The following IGF1R variants were observed in gnomAD, a reference collection of about 807,000 sequenced individuals.
IGF1R encodes the protein insulin like growth factor 1 receptor, also known as insulin-like growth factor 1 receptor.
A neutral mutation model predicts 144.6 loss-of-function variants in IGF1R; 44 were observed. The ratio of observed to expected loss-of-function variants is 0.30; its 90% CI spans 0.24 to 0.39. The LOEUF (loss-of-function observed/expected upper bound fraction) is 0.39, where lower values mean the gene tolerates loss of function less well. IGF1R is among the 10% of genes least tolerant of loss of function. The probability of loss-of-function intolerance (pLI) is 1.00; values close to 1 mark genes in which losing one functional copy is unlikely to be tolerated. For synonymous variants in IGF1R, 795 were observed against 722.8 expected (o/e 1.10, Z -1.60); for missense variants, 1,355 against 1,833.7 (o/e 0.74, Z 4.77).
At chr15:98,922,500 G>A in intron 11 of IGF1R, 69 bp downstream of exon 11, 1 of 1,562,464 alleles carries the variant, frequency 6.4e-7, no homozygotes, top group Non-Finnish European at 8.7e-7. Context: ...GTGTTTTATG[G>A]ACACAGGGTC....
chr15:98,671,553 GC>G (rs2052892885), intron 1 of IGF1R, among the ~76,000 whole-genome samples: 1 of 152,186 alleles, frequency 6.6e-6, no homozygotes. Flanking sequence ...ATTTATCCTG[GC>G]CCTTCTCTTT....
At chr15:98,940,908 G>A (rs1217936122) in intron 18 of IGF1R, among the ~76,000 whole-genome samples, 1 of 152,214 alleles carries the variant, frequency 6.6e-6, no homozygotes, top group Non-Finnish European at 1.5e-5. Context: ...CCTCAGAGAG[G>A]CAAAGAAGTC....
intron 2 of IGF1R, among the ~76,000 whole-genome samples, chr15:98,768,051 G>T (rs997763224): frequency 2.6e-5 from 4 of 152,166 alleles, no homozygotes; most frequent in Admixed American, 2.6e-4. Context: ...TCCATAGGAA[G>T]ACAGACAGAC....
chr15:98,955,219 C>T (rs536135700), intron 20 of IGF1R, among the ~76,000 whole-genome samples: 1 of 152,210 alleles, frequency 6.6e-6, no homozygotes, highest in Non-Finnish European at 1.5e-5. Context: ...ACATGGCATT[C>T]TACCGTGGGG....
At chr15:98,674,710 T>C (rs1312094611) in intron 1 of IGF1R, among the ~76,000 whole-genome samples, 2 of 152,212 alleles carry the variant, frequency 1.3e-5, no homozygotes, top group African/African-American at 4.8e-5. Context: ...AAAATAAGTT[T>C]TCTGTCTCTC....
chr15:98,935,227 C>T lies in IGF1R; in HGVS notation c.3187-89C>T, dbSNP rs933214456. The T allele has an allele frequency of 3.4e-5, 34 of 1,014,386 alleles. No individual in the cohort carries two copies. The highest frequency in any genetic ancestry group is 6.4e-5 in the African/African-American group (4 of 62,752). 62.8% of individuals were successfully genotyped at this position (1,014,386 alleles called of 1,614,324 possible). A position where few individuals can be genotyped will look rare whatever the true frequency, so the allele number is the denominator to read the frequency against. On this transcript the variant is annotated intron_variant, in intron 16 of 20. Transcript: ENST00000650285. The surrounding 1 kb of genome is among the most constrained non-coding windows in gnomAD (Gnocchi z 4.2). ...TCAGACCCCTGTGCTCAGACCAGGC[C>T]GCAGCACCACAGAGACAGTTCCAGA...
chr15:98,840,722 T>C lies in IGF1R; in HGVS notation c.641-50603T>C, dbSNP rs190136090. ...GTGGAGTCTTGCTCTGTCACCGAGGTTGGAGTGCAGTGGTGCAATCTCAGC... is the reference window on the plus strand; with the variant it reads ...GTGGAGTCTTGCTCTGTCACCGAGGCTGGAGTGCAGTGGTGCAATCTCAGC... On this transcript the variant is annotated intron_variant, in intron 2 of 20. Coordinates refer to ENST00000650285, the MANE Select transcript of IGF1R (RefSeq NM_000875.5). Among the ~76,000 whole-genome samples, 474 of 150,290 alleles carry C rather than the reference T, an allele frequency of 3.2e-3. 3 individuals are homozygous for C. The highest frequency in any genetic ancestry group is 3.6e-3 in the Non-Finnish European group (245 of 67,632).
chr15:98,902,197 G>A (rs2014514305), intron 5 of IGF1R, among the ~76,000 whole-genome samples: 1 of 152,016 alleles, frequency 6.6e-6, no homozygotes. Flanking sequence ...GAGCGTTTGG[G>A]GTTAGGATCC....
intron 2 of IGF1R, among the ~76,000 whole-genome samples, chr15:98,798,733 A>T (rs144446206): frequency 6.6e-6 from 1 of 151,712 alleles, no homozygotes; most frequent in Non-Finnish European, 1.5e-5. Flanking sequence ...AGAGAGGGCT[A>T]TTAGATCACA....
At chr15:98,892,205 C>T (rs2013958749) in intron 3 of IGF1R, among the ~76,000 whole-genome samples, 1 of 152,140 alleles carries the variant, frequency 6.6e-6, no homozygotes, top group Non-Finnish European at 1.5e-5. Context: ...CCTCAGTGCT[C>T]ATCATGTCCT....
Position 98,958,745 on chromosome 15 carries a change from T to C in IGF1R, c.*1303T>C. ...TTTTTTGTTCTTGATCTTTGTGGAT[T>C]TAATCTATGAAAACCTTCAGGTCCA... On this transcript the variant is annotated 3_prime_UTR_variant, in exon 21 of 21. Transcript: ENST00000650285. 4.3e-6 allele frequency: 1 copy of C among 232,744 alleles called. No individual in the cohort carries two copies. The highest frequency in any genetic ancestry group is 8.5e-6 in the Non-Finnish European group (1 of 117,524). The allele number at this position is 232,744 out of a possible 1,614,324, so 14.4% of individuals were successfully genotyped here.
In IGF1R at chr15:98,767,433, T is replaced by C. The variant is rs538102322; in HGVS notation, c.640+59326T>C. Among the ~76,000 whole-genome samples the C allele has an allele frequency of 1.2e-4, 18 of 152,294 alleles. 3 individuals are homozygous for C. The South Asian group carries it at 3.3e-3, about 28-fold the overall frequency. ...ATGAGGCATAACTGTAATTATCCGG[T>C]GGGGCTTGGTTTGTGCTGTTTTCCA... On this transcript the variant is annotated intron_variant, in intron 2 of 20. Transcript: ENST00000650285.
In IGF1R at chr15:98,704,814, G is replaced by C. The variant is rs1732911275; in HGVS notation, c.95-2748G>C. ...CGTGCTGCACAGGGAGGAAAGACGT[G>C]GGGCAGCATTGTGGGAAGAGCAACC... On this transcript the variant is annotated intron_variant, in intron 1 of 20. Transcript: ENST00000650285. This position sits in a 1 kb window ranked among gnomAD's most constrained non-coding sequence, Gnocchi z 4.9. 6.6e-6 allele frequency among the ~76,000 whole-genome samples: 1 copy of C among 152,102 alleles called. No homozygotes were observed. The highest frequency in any genetic ancestry group is 6.5e-5 in the Admixed American group (1 of 15,270).
intron 2 of IGF1R, among the ~76,000 whole-genome samples, chr15:98,819,549 G>T (rs1284027867): frequency 1.3e-5 from 2 of 152,044 alleles, no homozygotes; most frequent in African/African-American, 2.4e-5. Flanking sequence ...CTTGATCTTG[G>T]ACTTCCCAGA....
chr15:98,947,621 C>G (rs937403488), intron 19 of IGF1R, among the ~76,000 whole-genome samples: 1 of 152,210 alleles, frequency 6.6e-6, no homozygotes, highest in Non-Finnish European at 1.5e-5. Flanking sequence ...CCAGCATTGT[C>G]TTTTTTAACA....
chr15:98,899,904 G>C (rs764494829), intron 5 of IGF1R, among the ~76,000 whole-genome samples: 3 of 152,134 alleles, frequency 2.0e-5, no homozygotes, highest in Non-Finnish European at 2.9e-5. Flanking sequence ...CGGCAGACGG[G>C]GGTGCGCTTA....
intron 1 of IGF1R, among the ~76,000 whole-genome samples, chr15:98,703,439 C>G (rs971146472): frequency 6.6e-6 from 1 of 152,084 alleles, no homozygotes. Flanking sequence ...CATGGTCCAG[C>G]TTGGTTTTCT....
chr15:98,825,358 A>C (rs1031965758), intron 2 of IGF1R, among the ~76,000 whole-genome samples: 32 of 152,192 alleles, frequency 2.1e-4, no homozygotes, highest in African/African-American at 6.3e-4. Flanking sequence ...TGTATAGCCC[A>C]TGCTCATCTT....
intron 2 of IGF1R, among the ~76,000 whole-genome samples, chr15:98,712,107 A>G (rs963917284): frequency 1.3e-5 from 2 of 152,148 alleles, no homozygotes; most frequent in African/African-American, 4.8e-5. Context: ...TTCAGATCAT[A>G]GCATGGCTGG....
Sources: gnomAD v4.1 joint callset for allele counts (sites outside exome capture counted in the v4.1 genomes callset) on GRCh38, gnomAD v4.1.1 for gene constraint, Gnocchi (gnomAD v3.1) non-coding constraint, MANE v1.5 for transcripts, NCBI Gene and HGNC (gene_info 2026-07-23, HGNC 2026-07-21) for gene names.